Variants in FOXN2 observed in about 807,000 individuals in gnomAD.
FOXN2 encodes forkhead box N2, also known as forkhead box protein N2.
Under a neutral mutation model 41.2 loss-of-function variants are expected in FOXN2, and 19 were observed. That is an observed-to-expected ratio of 0.46 (90% CI 0.32 to 0.68). The LOEUF (loss-of-function observed/expected upper bound fraction) is 0.68, where lower values mean the gene tolerates loss of function less well. Ranked by LOEUF, FOXN2 falls within the 30% of genes least tolerant of loss-of-function variation. The probability of loss-of-function intolerance (pLI) is 0.03; values close to 1 mark genes in which losing one functional copy is unlikely to be tolerated. For synonymous variants in FOXN2, 195 were observed against 176.8 expected (o/e 1.10, Z -0.82); for missense variants, 587 against 509.4 (o/e 1.15, Z -1.47).
chr2:48,318,969 C>T (rs1669111063), intron 1 of FOXN2, among the ~76,000 whole-genome samples: 1 of 152,152 alleles, frequency 6.6e-6, no homozygotes. Context: ...TCTTTGCTCC[C>T]AACACAGATA....
chr2:48,375,515 A>G lies in FOXN2; in HGVS notation c.*72A>G, dbSNP rs1437155339. On this transcript the variant is annotated 3_prime_UTR_variant, in exon 7 of 7. Coordinates refer to ENST00000340553, the MANE Select transcript of FOXN2 (RefSeq NM_002158.4). ...GGATATCAAAGCCATAATGGACTTC[A>G]TTAGTTTTAGGGTAGGGAAGGGATA... 3.6e-6 allele frequency: 5 copies of G among 1,402,530 alleles called. No homozygotes were observed. The highest frequency in any genetic ancestry group is 1.4e-5 in the South Asian group (1 of 70,358). The allele number at this position is 1,402,530 out of a possible 1,614,324, so 86.9% of individuals were successfully genotyped here.
At chr2:48,362,091 G>C (rs145397286) in intron 4 of FOXN2, among the ~76,000 whole-genome samples, 2 of 152,190 alleles carry the variant, frequency 1.3e-5, no homozygotes, top group African/African-American at 4.8e-5. Context: ...AGATGAAGAA[G>C]CTAAGAGATT....
chr2:48,313,768 T>C (rs781262955), upstream of FOXN2, among the ~76,000 whole-genome samples: 1 of 152,180 alleles, frequency 6.6e-6, no homozygotes, highest in Non-Finnish European at 1.5e-5. Flanking sequence ...TCCGTATCTG[T>C]AAAGTTTCCA....
At chr2:48,366,108 G>A (rs534412204) in intron 5 of FOXN2, among the ~76,000 whole-genome samples, 5 of 152,278 alleles carry the variant, frequency 3.3e-5, no homozygotes, top group African/African-American at 1.2e-4. Context: ...TATAATCCCA[G>A]CACTTTGGGA....
chr2:48,350,336 A>C (rs1671371730), intron 3 of FOXN2, among the ~76,000 whole-genome samples: 1 of 152,234 alleles, frequency 6.6e-6, no homozygotes, highest in Admixed American at 6.5e-5. Context: ...TCCCAGTGGC[A>C]GCAGTTCTCT....
At chr2:48,320,513 AC>A (rs1396135466) in intron 1 of FOXN2, among the ~76,000 whole-genome samples, 2 of 151,742 alleles carry the variant, frequency 1.3e-5, no homozygotes, top group African/African-American at 4.8e-5. Context: ...CTGGTCTTGA[AC>A]CCTGACCTCA....
At chr2:48,361,923 G>T (rs1036911087) in intron 4 of FOXN2, among the ~76,000 whole-genome samples, 2 of 152,022 alleles carry the variant, frequency 1.3e-5, no homozygotes, top group Non-Finnish European at 2.9e-5. Context: ...TATTTTTGTG[G>T]TAATACCTAT....
intron 1 of FOXN2, among the ~76,000 whole-genome samples, chr2:48,324,570 T>C (rs770813132): frequency 3.3e-5 from 5 of 152,166 alleles, no homozygotes; most frequent in African/African-American, 7.2e-5. Flanking sequence ...CAAAACTTGA[T>C]GTGGTATGAT....
chr2:48,343,571 C>A (rs1572731143), intron 2 of FOXN2, among the ~76,000 whole-genome samples: 1 of 152,172 alleles, frequency 6.6e-6, no homozygotes, highest in Admixed American at 6.5e-5. Flanking sequence ...CCAGCCTGGG[C>A]AACCATAGCA....
In FOXN2 at chr2:48,346,630, A is replaced by G; in HGVS notation, c.416A>G (p.Tyr139Cys). The G allele has an allele frequency of 1.2e-6, 2 of 1,614,220 alleles. No homozygotes were observed. The highest frequency in any genetic ancestry group is 1.7e-6 in the Non-Finnish European group (2 of 1,180,024). The change falls in exon 3 of 7, where the codon TAT becomes TGT. Residue 139 changes from tyrosine to cysteine, a missense_variant. Transcript: ENST00000340553. ...AAATGTTTGCCTGTCAAAGAAATTTATAGCTGGATTCTGGACCATTTTCCA... is the reference window on the plus strand; with the variant it reads ...AAATGTTTGCCTGTCAAAGAAATTTGTAGCTGGATTCTGGACCATTTTCCA... Reference protein sequence around the residue: ...PNKCLPVKEIYSWILDHFPYF... With the variant: ...PNKCLPVKEICSWILDHFPYF...
intron 1 of FOXN2, among the ~76,000 whole-genome samples, chr2:48,321,112 CAT>C (rs1425253582): frequency 1.3e-5 from 2 of 152,050 alleles, no homozygotes; most frequent in Admixed American, 6.6e-5. Flanking sequence ...ATGTTCACTA[CAT>C]GTTATGGTCT....
intron 6 of FOXN2, 127 bp from the exon 7 acceptor site, chr2:48,374,793 T>TA (rs1673127994): frequency 2.5e-6 from 2 of 794,094 alleles, no homozygotes; most frequent in Non-Finnish European, 4.0e-6. Flanking sequence ...TAAAAAAAAA[T>TA]AAAAAATCTA....
At position 48,373,336 on chromosome 2, in the gene FOXN2, T is replaced by C; in HGVS notation, c.748T>C (p.Ser250Pro). ...TGCTGCAATGATGCTTTTAAATACT[T>C]CTATAGAACAAGGAATTTTAGAATG... is the stretch of plus-strand genomic sequence containing the variant. ...AAAAMMLLNT[S>P]IEQGILECEK... The change falls in exon 6 of 7, where the codon TCT becomes CCT. Residue 250 changes from serine to proline, a missense_variant. Ser to Pro is a moderately conservative substitution (Grantham distance 74). Coordinates refer to ENST00000340553, the MANE Select transcript of FOXN2 (RefSeq NM_002158.4). The C allele has an allele frequency of 6.3e-7, 1 of 1,584,854 alleles. No homozygotes were observed. Among genetic ancestry groups the C allele is most frequent in the Non-Finnish European group, 8.6e-7 (1 of 1,169,216 alleles).
chr2:48,358,261 C>T (rs1022999256), intron 3 of FOXN2, among the ~76,000 whole-genome samples: 2 of 151,112 alleles, frequency 1.3e-5, no homozygotes, highest in Non-Finnish European at 2.9e-5. Context: ...GCAACCCTTA[C>T]GTACGTCAGT....
At chr2:48,355,732 G>A (rs911176542) in intron 3 of FOXN2, among the ~76,000 whole-genome samples, 10 of 152,102 alleles carry the variant, frequency 6.6e-5, no homozygotes, top group Admixed American at 6.5e-4. Context: ...ATCCCAATAG[G>A]AGGCAGAATG....
intron 2 of FOXN2, among the ~76,000 whole-genome samples, chr2:48,343,730 G>A (rs1197706769): frequency 1.3e-5 from 2 of 151,714 alleles, no homozygotes; most frequent in Non-Finnish European, 2.9e-5. Context: ...CTGTACTACA[G>A]CCTGGGTGAC....
At chr2:48,365,462 A>AT (rs1234735636) in intron 5 of FOXN2, among the ~76,000 whole-genome samples, 1 of 152,136 alleles carries the variant, frequency 6.6e-6, no homozygotes, top group Non-Finnish European at 1.5e-5. Flanking sequence ...TCTTGAGAAC[A>AT]TTTTCTTTGT....
chr2:48,345,201 T>C (rs1355970933), intron 2 of FOXN2, among the ~76,000 whole-genome samples: 1 of 152,316 alleles, frequency 6.6e-6, no homozygotes, highest in African/African-American at 2.4e-5. Context: ...TTAAAAGTAC[T>C]GGGATTTTAA....
Position 48,325,325 on chromosome 2 carries a change from T to C in FOXN2, c.-156-3236T>C, listed in dbSNP as rs1669588178. On this transcript the variant is annotated intron_variant, in intron 1 of 6. Transcript: ENST00000340553. ...ATAAGATTAAAAGAGTTAATACTAG[T>C]AAAGTATTTACAACAATACCTGTTA... Among the ~76,000 whole-genome samples the C allele has an allele frequency of 5.3e-5, 8 of 152,206 alleles. No individual in the cohort carries two copies. The South Asian group carries it at 1.7e-3, about 31-fold the overall frequency.
Sources: allele counts gnomAD v4.1 joint callset (sites outside exome capture counted in the v4.1 genomes callset), GRCh38; gene constraint gnomAD v4.1.1; transcripts MANE v1.5; gene names NCBI Gene and HGNC (gene_info 2026-07-23, HGNC 2026-07-21).